The following PUM2 variants were observed in gnomAD, a reference collection of about 807,000 sequenced individuals.
PUM2 encodes pumilio homolog 2.
Under a neutral mutation model 124.5 loss-of-function variants are expected in PUM2, and 57 were observed. That is an observed-to-expected ratio of 0.46 (90% CI 0.37 to 0.57). The LOEUF (loss-of-function observed/expected upper bound fraction) is 0.57, where lower values mean the gene tolerates loss of function less well. Ranked by LOEUF, PUM2 falls within the 20% of genes least tolerant of loss-of-function variation. The probability of loss-of-function intolerance (pLI) is 0.00; values close to 1 mark genes in which losing one functional copy is unlikely to be tolerated. For synonymous variants in PUM2, 460 were observed against 446.1 expected (o/e 1.03, Z -0.39); for missense variants, 1,065 against 1,290.6 (o/e 0.83, Z 2.68).
chr2:20,323,784 T>C (rs184964138), intron 2 of PUM2, among the ~76,000 whole-genome samples: 238 of 152,110 alleles, frequency 1.6e-3, no homozygotes, highest in Non-Finnish European at 3.0e-3. Flanking sequence ...TCTGAACCCA[T>C]ATCTACTTAA....
chr2:20,254,888 C>G lies in PUM2; in HGVS notation c.2845G>C (p.Ala949Pro). Residue 949 changes from alanine to proline, a missense_variant, in exon 19 of 21, where the codon GCC becomes CCC. Coordinates refer to ENST00000361078, the MANE Select transcript of PUM2 (RefSeq NM_015317.5). ...IVSEIRGKVLALSQHKFASNV... is the reference protein window; with the variant it reads ...IVSEIRGKVLPLSQHKFASNV... Reference sequence around the variant, plus strand: ...CTGGCAAATTTGTGTTGACTCAGGGCTAAAACCTTTCCCCTGATTTCGGAA... The same window carrying G: ...CTGGCAAATTTGTGTTGACTCAGGGGTAAAACCTTTCCCCTGATTTCGGAA... 1 of 1,614,004 alleles carries G rather than the reference C, an allele frequency of 6.2e-7. No individual in the cohort carries two copies. Among genetic ancestry groups the G allele is most frequent in the Non-Finnish European group, 8.5e-7 (1 of 1,179,936 alleles).
At chr2:20,302,196 C>G (rs1417877860) in intron 7 of PUM2, among the ~76,000 whole-genome samples, 1 of 152,080 alleles carries the variant, frequency 6.6e-6, no homozygotes, top group Non-Finnish European at 1.5e-5. Flanking sequence ...AAGGCAGGTG[C>G]CAACACACCT....
chr2:20,340,670 G>A (rs1013938516), intron 1 of PUM2, among the ~76,000 whole-genome samples: 4 of 152,188 alleles, frequency 2.6e-5, no homozygotes, highest in Non-Finnish European at 4.4e-5. Context: ...CTCTCCAGGT[G>A]ATGCTTTCCC....
chr2:20,332,408 TA>T (rs34916773), intron 1 of PUM2, among the ~76,000 whole-genome samples: 1,981 of 134,232 alleles, frequency 0.015, 15 homozygotes, highest in South Asian at 0.036. Flanking sequence ...TAAAAAGACT[TA>T]AAAAAAAAAA....
chr2:20,279,867 G>A (rs1243496594), intron 12 of PUM2, among the ~76,000 whole-genome samples: 1 of 152,046 alleles, frequency 6.6e-6, no homozygotes, highest in African/African-American at 2.4e-5. Flanking sequence ...ATTCAAGTAC[G>A]TTTCCTTCCT....
At chr2:20,340,989 A>T (rs757693471) in intron 1 of PUM2, among the ~76,000 whole-genome samples, 7 of 152,196 alleles carry the variant, frequency 4.6e-5, no homozygotes, top group Non-Finnish European at 8.8e-5. Context: ...GACACATCAA[A>T]CTGAACTTTT....
In PUM2 at chr2:20,252,778, T is replaced by C. The variant is rs142230572; in HGVS notation, c.3063+1044A>G. Among the ~76,000 whole-genome samples the C allele has an allele frequency of 6.5e-3, 990 of 152,276 alleles. 15 individuals carry two copies. The highest frequency in any genetic ancestry group is 0.023 in the African/African-American group (949 of 41,544). ...CAAAATTCTACTTAGAAAAATGTAT[T>C]AGGTTAAAATCAATGTTCAACCCAT... is the stretch of plus-strand genomic sequence containing the variant. On this transcript the variant is annotated intron_variant, in intron 20 of 20. Coordinates refer to ENST00000361078, the MANE Select transcript of PUM2 (RefSeq NM_015317.5).
chr2:20,318,075 T>C (rs956315489), intron 3 of PUM2, among the ~76,000 whole-genome samples: 2 of 152,244 alleles, frequency 1.3e-5, no homozygotes, highest in Non-Finnish European at 2.9e-5. Context: ...CTGGATTGAA[T>C]GGTAATTCTG....
At chr2:20,275,992 G>T (rs953192364) in intron 13 of PUM2, among the ~76,000 whole-genome samples, 5 of 151,938 alleles carry the variant, frequency 3.3e-5, no homozygotes, top group Admixed American at 6.6e-5. Flanking sequence ...TAAAATGTAT[G>T]ATATACTGTA....
chr2:20,346,571 A>G lies in PUM2; in HGVS notation c.-19+4026T>C, dbSNP rs200248016. The stretch of plus-strand genomic sequence containing the variant: ...ATCTTAAGTTTTTCAGAAACTGCCT[A>G]AAGTCAGGGATCACCACTTTGAGAT... On this transcript the variant is annotated intron_variant, in intron 1 of 20. Transcript: ENST00000361078. Among the ~76,000 whole-genome samples, 24 of 152,306 alleles carry G rather than the reference A, an allele frequency of 1.6e-4. No homozygotes were observed. The East Asian group carries it at 4.2e-3, about 27-fold the overall frequency.
chr2:20,260,322 T>C lies in PUM2; in HGVS notation c.2355+15A>G, dbSNP rs1665870523. The C allele has an allele frequency of 6.3e-7, 1 of 1,597,630 alleles. No homozygotes were observed. ...AGCTGGATGGGCGGATATACAAATA[T>C]GCATGAATCCTTACCTCAAAAAACT... On this transcript the variant is annotated intron_variant, in intron 15 of 20. Coordinates refer to ENST00000361078, the MANE Select transcript of PUM2 (RefSeq NM_015317.5).
intron 7 of PUM2, among the ~76,000 whole-genome samples, chr2:20,305,556 A>G (rs1572833017): frequency 6.6e-6 from 1 of 152,022 alleles, no homozygotes; most frequent in East Asian, 1.9e-4. Flanking sequence ...AACTGCAGAT[A>G]CACAGAGACT....
At chr2:20,259,641 C>A (rs1270512170) in intron 15 of PUM2, among the ~76,000 whole-genome samples, 2 of 152,156 alleles carry the variant, frequency 1.3e-5, no homozygotes, top group Non-Finnish European at 2.9e-5. Context: ...GAATAATATT[C>A]TATAATGTAT....
At chr2:20,259,189 C>T (rs915685612) in intron 15 of PUM2, among the ~76,000 whole-genome samples, 1 of 152,166 alleles carries the variant, frequency 6.6e-6, no homozygotes, top group Non-Finnish European at 1.5e-5. Flanking sequence ...AACTACTTTA[C>T]CAAAGATTGA....
intron 13 of PUM2, among the ~76,000 whole-genome samples, chr2:20,266,426 C>A (rs1667661190): frequency 6.7e-6 from 1 of 150,256 alleles, no homozygotes; most frequent in Non-Finnish European, 1.5e-5. Flanking sequence ...GCCTGGACAA[C>A]AGAGCAAGAC....
rs200536086 is a variant in PUM2, at chr2:20,294,556, A to G, written c.1010-38T>C. On this transcript the variant is annotated intron_variant, in intron 8 of 20. Transcript: ENST00000361078. The stretch of plus-strand genomic sequence containing the variant: ...CCCGACCCCCGAATAAAAAGTTACT[A>G]GATTTTACATAGACATGAGGTTAGC... 6 of 1,560,198 alleles carry G rather than the reference A, an allele frequency of 3.8e-6. No individual in the cohort carries two copies. The East Asian group carries it at 1.4e-4, about 36-fold the overall frequency.
chr2:20,331,616 G>GAAAAAAA (rs200177077), intron 1 of PUM2: 4 of 97,014 alleles, frequency 4.1e-5, no homozygotes, highest in Non-Finnish European at 6.2e-5. Flanking sequence ...ATCGAAAGCA[G>GAAAAAAA]AAAAAAAAAA....
intron 13 of PUM2, among the ~76,000 whole-genome samples, chr2:20,278,023 G>A (rs1670638467): frequency 6.6e-6 from 1 of 152,062 alleles, no homozygotes; most frequent in South Asian, 2.1e-4. Flanking sequence ...AACTTCAGGG[G>A]TACAACAAGC....
At chr2:20,343,284 C>T (rs1687585160) in intron 1 of PUM2, among the ~76,000 whole-genome samples, 1 of 152,052 alleles carries the variant, frequency 6.6e-6, no homozygotes, top group Admixed American at 6.6e-5. Flanking sequence ...GTCCCAGCTA[C>T]TCAAGAGGCT....
Sources: allele counts gnomAD v4.1 joint callset (sites outside exome capture counted in the v4.1 genomes callset), GRCh38; gene constraint gnomAD v4.1.1; transcripts MANE v1.5; gene names NCBI Gene and HGNC (gene_info 2026-07-23, HGNC 2026-07-21).